UNC79: variants seen among roughly 807,000 people sequenced by gnomAD.
UNC79 encodes unc-79 subunit of NALCN channel complex, also known as protein unc-79 homolog.
UNC79 carries 37 observed loss-of-function variants against 283.1 expected under a neutral mutation model. The ratio of observed to expected loss-of-function variants is 0.13; its 90% confidence interval spans 0.10 to 0.17. The LOEUF (loss-of-function observed/expected upper bound fraction) is 0.17, where lower values mean the gene tolerates loss of function less well. Ranked by LOEUF, UNC79 falls within the 10% of genes least tolerant of loss-of-function variation. The pLI is 1.00. For missense variants in UNC79, 2,272 were observed against 3,211.1 expected (o/e 0.71, Z 7.07); for synonymous variants, 1,107 against 1,200.2 (o/e 0.92, Z 1.61).
intron 1 of UNC79, among the ~76,000 whole-genome samples, chr14:93,381,457 G>A (rs2054663921): frequency 6.6e-6 from 1 of 152,216 alleles, no homozygotes. Flanking sequence ...GACAGGCTGT[G>A]TCTGGAGCTG....
intron 1 of UNC79, among the ~76,000 whole-genome samples, chr14:93,339,493 A>C (rs1476473041): frequency 2.0e-5 from 3 of 151,966 alleles, no homozygotes; most frequent in African/African-American, 7.2e-5. Context: ...TAGAGACGGG[A>C]TTTCACCATG....
rs1179706920 is a variant in UNC79, at chr14:93,516,442, A to AT, written c.899-7528dup. Among the ~76,000 whole-genome samples the AT allele has an allele frequency of 4.7e-3, 194 of 41,340 alleles. 2 individuals carry two copies. The highest frequency in any genetic ancestry group is 8.0e-3 in the Non-Finnish European group (156 of 19,504). 27.1% of individuals were successfully genotyped at this position (41,340 alleles called of 152,430 possible). Reference sequence around the variant, plus strand: ...TTTCTACAAAACAATCTGCTTGGATATTTTTTTTGGGGGGGGGGGTGGGGG... The same window carrying AT: ...TTTCTACAAAACAATCTGCTTGGATATTTTTTTTTGGGGGGGGGGGTGGGGG... On this transcript the variant is annotated intron_variant, in intron 7 of 48. Transcript: ENST00000555664.
chr14:93,690,769 CA>C lies in UNC79; in HGVS notation c.7272+467del. The C allele has an allele frequency of 6.2e-6, 1 of 161,098 alleles. No homozygotes were observed. Among genetic ancestry groups the C allele is most frequent in the Admixed American group, 6.0e-5 (1 of 16,554 alleles). 10.0% of individuals were successfully genotyped at this position (161,098 alleles called of 1,614,324 possible). A position where few individuals can be genotyped will look rare whatever the true frequency, so the allele number is the denominator to read the frequency against. ...GGCCAGTTGGGAACTCACTAAAGCA[CA>C]CATTGGCATGACCTACACAGGGGAA... On this transcript the variant is annotated intron_variant, in intron 45 of 48. Coordinates refer to ENST00000555664, the Ensembl canonical transcript of UNC79. The surrounding 1 kb of genome is among the most constrained non-coding windows in gnomAD (Gnocchi z 4.3).
At chr14:93,686,177 C>T (rs1451269621) in intron 42 of UNC79, among the ~76,000 whole-genome samples, 1 of 152,114 alleles carries the variant, frequency 6.6e-6, no homozygotes, top group African/African-American at 2.4e-5. Flanking sequence ...GCTAAGACTT[C>T]CCTAGAATGA....
At chr14:93,554,618 C>G (rs945702234) in intron 14 of UNC79, among the ~76,000 whole-genome samples, 4 of 152,098 alleles carry the variant, frequency 2.6e-5, no homozygotes, top group Non-Finnish European at 4.4e-5. Flanking sequence ...GATTCTGGCC[C>G]TGTGTTAGCA....
At chr14:93,503,050 G>A (rs1251190556) in intron 7 of UNC79, among the ~76,000 whole-genome samples, 1 of 152,134 alleles carries the variant, frequency 6.6e-6, no homozygotes, top group Non-Finnish European at 1.5e-5. Context: ...ATTTATAAGT[G>A]TTCATGGACC....
intron 14 of UNC79, among the ~76,000 whole-genome samples, chr14:93,548,205 G>A (rs2141263422): frequency 6.6e-6 from 1 of 152,280 alleles, no homozygotes; most frequent in African/African-American, 2.4e-5. Flanking sequence ...TGTCTGGTGA[G>A]GGCCTACGTT....
chr14:93,375,137 C>T (rs761907876), intron 1 of UNC79, among the ~76,000 whole-genome samples: 2 of 152,126 alleles, frequency 1.3e-5, no homozygotes, highest in Non-Finnish European at 2.9e-5. Context: ...GTGGCTGACA[C>T]TTTGGGATGC....
intron 1 of UNC79, among the ~76,000 whole-genome samples, chr14:93,406,325 G>A (rs1385771644): frequency 6.6e-6 from 1 of 152,180 alleles, no homozygotes. Context: ...GCTCACGCCT[G>A]TTATTCCAGC....
At chr14:93,634,768 C>G in intron 31 of UNC79, 131 bp downstream of exon 34, 2 of 814,776 alleles carry the variant, frequency 2.5e-6, no homozygotes, top group Non-Finnish European at 4.0e-6. Context: ...TTTTCAAAAC[C>G]ACCTAAGGTA....
chr14:93,594,613 A>G (rs187106364), intron 23 of UNC79, among the ~76,000 whole-genome samples: 40 of 152,288 alleles, frequency 2.6e-4, no homozygotes, highest in Admixed American at 2.2e-3. Context: ...TCTCTGCTGT[A>G]TACCCTTGCC....
intron 1 of UNC79, among the ~76,000 whole-genome samples, chr14:93,466,343 G>A (rs931688756): frequency 2.0e-5 from 3 of 152,212 alleles, no homozygotes; most frequent in Admixed American, 6.5e-5. Flanking sequence ...AGCAATGGAC[G>A]TTCACATTCA....
intron 26 of UNC79, among the ~76,000 whole-genome samples, chr14:93,605,409 C>T (rs2139638574): frequency 6.6e-6 from 1 of 152,292 alleles, no homozygotes; most frequent in East Asian, 1.9e-4. Flanking sequence ...TGCAACTGTA[C>T]ATGCATTTCT....
chr14:93,373,595 A>C (rs8007658), intron 1 of UNC79, among the ~76,000 whole-genome samples: 163 of 152,328 alleles, frequency 1.1e-3, no homozygotes, highest in African/African-American at 3.8e-3. Flanking sequence ...TGTATCAAAG[A>C]AGTTGAATCA....
At chr14:93,439,819 T>C (rs1266250680) in intron 1 of UNC79, among the ~76,000 whole-genome samples, 1 of 152,156 alleles carries the variant, frequency 6.6e-6, no homozygotes, top group Non-Finnish European at 1.5e-5. Flanking sequence ...CTGGGGTCAA[T>C]TTTGGTAAGT....
At chr14:93,357,345 C>T (rs1487100127) in intron 1 of UNC79, among the ~76,000 whole-genome samples, 1 of 151,966 alleles carries the variant, frequency 6.6e-6, no homozygotes, top group African/African-American at 2.4e-5. Flanking sequence ...AAGTATTGGT[C>T]CTGGGTGTGT....
chr14:93,355,205 T>TC (rs1047769910), intron 1 of UNC79, among the ~76,000 whole-genome samples: 1 of 151,888 alleles, frequency 6.6e-6, no homozygotes, highest in African/African-American at 2.4e-5. Context: ...AGTTTTTTTT[T>TC]CCCCCTGAGA....
chr14:93,554,376 G>GTC (rs1194411016), intron 14 of UNC79, among the ~76,000 whole-genome samples: 2 of 150,692 alleles, frequency 1.3e-5, no homozygotes, highest in Non-Finnish European at 3.0e-5. Flanking sequence ...AAAAAATTCT[G>GTC]TCTCTCTCTT....
intron 35 of UNC79, among the ~76,000 whole-genome samples, chr14:93,650,107 CATG>C (rs2070085185): frequency 6.6e-6 from 1 of 152,144 alleles, no homozygotes; most frequent in South Asian, 2.1e-4. Flanking sequence ...TGTTACTCAG[CATG>C]ATGTTTTTGA....
Sources: gnomAD v4.1 joint callset for allele counts (sites outside exome capture counted in the v4.1 genomes callset) on GRCh38, gnomAD v4.1.1 for gene constraint, Gnocchi (gnomAD v3.1) non-coding constraint, MANE v1.5 for transcripts, NCBI Gene and HGNC (gene_info 2026-07-23, HGNC 2026-07-21) for gene names.